Variants in SNTG1 observed in about 807,000 individuals in gnomAD.
SNTG1 encodes gamma-1-syntrophin.
Under a neutral mutation model 74.7 loss-of-function variants are expected in SNTG1, and 39 were observed. That is an observed-to-expected ratio of 0.52 (90% CI 0.40 to 0.68). The LOEUF is 0.68. Ranked by LOEUF, SNTG1 falls within the 30% of genes least tolerant of loss-of-function variation. SNTG1 has a pLI of 0.00. For synonymous variants in SNTG1, 254 were observed against 217.1 expected, an observed-to-expected ratio of 1.17 and a Z score of -1.49; for missense variants, 685 against 609.5, an observed-to-expected ratio of 1.12 and a Z score of -1.30.
upstream of SNTG1, chr8:49,911,114 A>G (rs1006809016): frequency 6.6e-6 from 1 of 152,220 alleles, no homozygotes; most frequent in Non-Finnish European, 1.5e-5. Context: ...AATTTTAACA[A>G]TAACCTATCG....
At position 50,760,361 on chromosome 8, in the gene SNTG1, A is replaced by G. The variant is rs139303939; in HGVS notation, c.1395+8250A>G. On this transcript the variant is annotated intron_variant, in intron 18 of 18. Coordinates refer to ENST00000642720, the MANE Select transcript of SNTG1 (RefSeq NM_018967.5). ...TCTTTTGACTGATTGCCTGGTCAGA[A>G]CTTCCAATACTGTGTTGAATAAGAG... Among the ~76,000 whole-genome samples, 565 of 152,126 alleles carry G rather than the reference A, an allele frequency of 3.7e-3. 4 individuals carry two copies. Among genetic ancestry groups the G allele is most frequent in the African/African-American group, 0.013 (522 of 41,522 alleles).
chr8:50,522,319 G>T (rs1340206748), intron 9 of SNTG1, among the ~76,000 whole-genome samples: 1 of 152,084 alleles, frequency 6.6e-6, no homozygotes, highest in Non-Finnish European at 1.5e-5. Context: ...GGGTGTGTGT[G>T]TGTGTTTCTG....
At chr8:49,965,616 T>A (rs1435444532) in intron 1 of SNTG1, among the ~76,000 whole-genome samples, 2 of 152,212 alleles carry the variant, frequency 1.3e-5, no homozygotes, top group Non-Finnish European at 2.9e-5. Context: ...TTTAGCTGCT[T>A]AATGTGGTTG....
At chr8:50,605,903 C>G (rs1004486838) in intron 13 of SNTG1, among the ~76,000 whole-genome samples, 1 of 152,058 alleles carries the variant, frequency 6.6e-6, no homozygotes, top group Non-Finnish European at 1.5e-5. Context: ...GTCCTTGATT[C>G]TATTTATGTG....
intron 1 of SNTG1, among the ~76,000 whole-genome samples, chr8:49,913,890 A>G (rs1172687077): frequency 1.3e-5 from 2 of 152,172 alleles, no homozygotes; most frequent in Non-Finnish European, 2.9e-5. Context: ...CTCTGTGTAT[A>G]TGGCCGCAGT....
At chr8:50,461,305 A>G (rs935131177) in intron 8 of SNTG1, among the ~76,000 whole-genome samples, 2 of 151,900 alleles carry the variant, frequency 1.3e-5, no homozygotes, top group Admixed American at 1.3e-4. Flanking sequence ...ATGACTTATT[A>G]CCATTGATAA....
intron 18 of SNTG1, among the ~76,000 whole-genome samples, chr8:50,767,371 A>G (rs541124426): frequency 6.6e-6 from 1 of 152,088 alleles, no homozygotes; most frequent in East Asian, 1.9e-4. Flanking sequence ...AATTGGGAGA[A>G]CTTTGTTTTA....
chr8:50,126,960 ATACATCACAGTTATATCTGGGG>A (rs1263973810), intron 1 of SNTG1, among the ~76,000 whole-genome samples: 1 of 152,180 alleles, frequency 6.6e-6, no homozygotes, highest in East Asian at 1.9e-4. Context: ...ATGCTTTTAC[ATACATCACAGTTATATCTGGGG>A]TCATGGAAGT....
At chr8:50,408,465 G>A (rs972954475) in intron 4 of SNTG1, among the ~76,000 whole-genome samples, 2 of 152,156 alleles carry the variant, frequency 1.3e-5, no homozygotes, top group South Asian at 2.1e-4. Context: ...CTTGTGGACT[G>A]GGACTCAGGG....
chr8:50,013,473 A>AGATAGAT (rs1816014542), intron 1 of SNTG1, among the ~76,000 whole-genome samples: 1 of 143,548 alleles, frequency 7.0e-6, no homozygotes, highest in Non-Finnish European at 1.5e-5. Context: ...AGAGATAGAT[A>AGATAGAT]GATAGATAGA....
chr8:50,291,558 A>G (rs2089111650), intron 2 of SNTG1, among the ~76,000 whole-genome samples: 1 of 152,180 alleles, frequency 6.6e-6, no homozygotes, highest in Non-Finnish European at 1.5e-5. Flanking sequence ...GGAAAGTTGC[A>G]GGGCTAGATC....
At chr8:50,307,012 A>G (rs1338777820) in intron 2 of SNTG1, among the ~76,000 whole-genome samples, 1 of 151,964 alleles carries the variant, frequency 6.6e-6, no homozygotes. Context: ...CATTCTCTCA[A>G]CATCATGTAT....
chr8:49,968,873 TC>T (rs1464360439), intron 1 of SNTG1, among the ~76,000 whole-genome samples: 1 of 152,088 alleles, frequency 6.6e-6, no homozygotes, highest in Non-Finnish European at 1.5e-5. Flanking sequence ...GACAGATCTT[TC>T]CCTTGGACTG....
At chr8:49,998,003 G>A (rs28701732) in intron 1 of SNTG1, among the ~76,000 whole-genome samples, 81,091 of 152,008 alleles carry the variant, frequency 0.53, 24,487 homozygotes, top group East Asian at 0.8. Flanking sequence ...TACAAATTGA[G>A]ATGGTAGAGC....
intron 1 of SNTG1, among the ~76,000 whole-genome samples, chr8:50,139,062 G>T (rs941640244): frequency 1.3e-5 from 2 of 152,048 alleles, no homozygotes; most frequent in African/African-American, 4.8e-5. Context: ...GAATCCATTT[G>T]TAATGTGTAT....
intron 15 of SNTG1, among the ~76,000 whole-genome samples, chr8:50,701,287 T>C (rs2095422669): frequency 6.6e-6 from 1 of 152,192 alleles, no homozygotes. Context: ...GAGGGCATAC[T>C]AAAATTTTTG....
At chr8:50,706,769 G>T (rs1045497612) in intron 16 of SNTG1, among the ~76,000 whole-genome samples, 1 of 152,016 alleles carries the variant, frequency 6.6e-6, no homozygotes, top group Non-Finnish European at 1.5e-5. Flanking sequence ...TTTAAAGTAT[G>T]TGAATATATT....
intron 17 of SNTG1, 22 bp from the exon 18 acceptor site, chr8:50,751,979 T>C: frequency 3.7e-6 from 5 of 1,366,596 alleles, no homozygotes; most frequent in Non-Finnish European, 4.9e-6. Flanking sequence ...CCGACTTACA[T>C]TGTTTTTTTT....
intron 1 of SNTG1, among the ~76,000 whole-genome samples, chr8:49,998,597 C>T (rs1407356297): frequency 1.3e-5 from 2 of 150,576 alleles, no homozygotes; most frequent in Admixed American, 1.3e-4. Context: ...GACACACACA[C>T]ACACACACAC....
Sources: allele counts gnomAD v4.1 joint callset (sites outside exome capture counted in the v4.1 genomes callset), GRCh38; gene constraint gnomAD v4.1.1; transcripts MANE v1.5; gene names NCBI Gene and HGNC (gene_info 2026-07-23, HGNC 2026-07-21).